Variants in TBX1 observed in about 807,000 individuals in gnomAD.
The protein encoded by TBX1 is T-box transcription factor TBX1.
In TBX1, 16 loss-of-function variants were observed where a neutral mutation model predicts 40.8. That is an observed-to-expected ratio of 0.39 (90% CI 0.27 to 0.60). TBX1 has a LOEUF of 0.60. Ranked by LOEUF, TBX1 falls within the 20% of genes least tolerant of loss-of-function variation. TBX1 has a pLI of 0.51. For missense variants in TBX1, 755 were observed against 728.5 expected (o/e 1.04, Z -0.42); for synonymous variants, 403 against 336.8 (o/e 1.20, Z -2.15).
Position 19,767,280 on chromosome 22 carries a change from T to A in TBX1, c.*413T>A. Reference sequence around the variant, plus strand: ...TGTAGATACATGTAGATACTGTAGATACTGTAGATACCGCCCCGGCGCCGA... The same window carrying A: ...TGTAGATACATGTAGATACTGTAGAAACTGTAGATACCGCCCCGGCGCCGA... On this transcript the variant is annotated 3_prime_UTR_variant, in exon 7 of 7. Transcript: ENST00000649276. The A allele has an allele frequency of 1.0e-6, 1 of 997,452 alleles. No homozygotes were observed. The highest frequency in any genetic ancestry group is 1.2e-6 in the Non-Finnish European group (1 of 838,176). 61.8% of individuals were successfully genotyped at this position (997,452 alleles called of 1,614,324 possible).
intron 8 of TBX1, among the ~76,000 whole-genome samples, chr22:19,774,135 C>T (rs1016871170): frequency 2.6e-5 from 4 of 152,158 alleles, no homozygotes; most frequent in African/African-American, 7.2e-5. Flanking sequence ...CCCTGGAAGC[C>T]GTCTACACTG....
rs1936896527 is a variant in TBX1 at position 19,767,260 on chromosome 22, A to AT, written c.*394dup. The AT allele has an allele frequency of 9.7e-7, 1 of 1,029,638 alleles. No homozygotes were observed. The highest frequency in any genetic ancestry group is 1.7e-5 in the African/African-American group (1 of 58,428). 63.8% of individuals were successfully genotyped at this position (1,029,638 alleles called of 1,614,324 possible). Reference sequence around the variant, plus strand: ...AGAGCCCCGCCTGCAGGCGGTGTAGATACATGTAGATACTGTAGATACTGT... The same window carrying AT: ...AGAGCCCCGCCTGCAGGCGGTGTAGATTACATGTAGATACTGTAGATACTGT... On this transcript the variant is annotated 3_prime_UTR_variant, in exon 7 of 7. Coordinates refer to ENST00000649276, the MANE Select transcript of TBX1 (RefSeq NM_001379200.1).
At chr22:19,764,347 G>T in intron 3 of TBX1, 21 bp downstream of exon 3, 1 of 1,606,540 alleles carries the variant, frequency 6.2e-7, no homozygotes. Flanking sequence ...GCCTCCCCAG[G>T]CTCCGGTGTC....
At chr22:19,768,656 T>G (rs1256061984), downstream of TBX1, among the ~76,000 whole-genome samples, 1 of 152,134 alleles carries the variant, frequency 6.6e-6, no homozygotes, top group Non-Finnish European at 1.5e-5. Context: ...AGGGCCTCCC[T>G]CTCTTGCTGT....
chr22:19,779,540 T>A, exon 9 of TBX1: 1 of 1,516,780 alleles, frequency 6.6e-7, no homozygotes, highest in Non-Finnish European at 8.8e-7. Context: ...GCATGTTTTG[T>A]AATAAATACT....
chr22:19,781,073 C>T (rs1197707709), downstream of TBX1, among the ~76,000 whole-genome samples: 1 of 152,164 alleles, frequency 6.6e-6, no homozygotes, highest in Non-Finnish European at 1.5e-5. Context: ...TGAGCCACTG[C>T]ACCCGGCCCT....
chr22:19,766,605 A>C lies in TBX1; in HGVS notation c.1253A>C (p.Glu418Ala), dbSNP rs745858331. 1.3e-6 allele frequency: 2 copies of C among 1,509,302 alleles called. No individual in the cohort carries two copies. The highest frequency in any genetic ancestry group is 2.8e-5 in the East Asian group (1 of 35,470). 93.5% of individuals were successfully genotyped at this position (1,509,302 alleles called of 1,614,324 possible). ...CGCCTGGAGGCGCCCGGCGCATCGG[A>C]GCCGCTGCACCACCACCCCTACAAA... The part of the protein sequence containing the change: ...ELRLEAPGAS[E>A]PLHHHPYKYP... The change falls in exon 7 of 7, where the codon GAG (glutamate) becomes GCG (alanine). Residue 418 changes from glutamate to alanine, a missense_variant. Around this residue, in one of 3 missense-constraint regions of TBX1, gnomAD observed 412 missense variants for 317.6 expected, o/e 1.30. Transcript: ENST00000649276.
chr22:19,783,134 AC>A, downstream of TBX1: 1 of 727,502 alleles, frequency 1.4e-6, no homozygotes, highest in East Asian at 2.6e-5. Context: ...CCTGGCCATC[AC>A]CCCGTGGAGT....
At chr22:19,780,547 T>C (rs1937130187), downstream of TBX1, among the ~76,000 whole-genome samples, 1 of 152,348 alleles carries the variant, frequency 6.6e-6, no homozygotes, top group Admixed American at 6.5e-5. Flanking sequence ...CTCCCACCTG[T>C]TGGCTGCTGT....
upstream of TBX1, chr22:19,759,815 G>C (rs2145824927): frequency 1.9e-6 from 2 of 1,077,620 alleles, no homozygotes; most frequent in Non-Finnish European, 1.4e-6. Context: ...TTCTGGGGCA[G>C]AGAGGAAGAG....
intron 8 of TBX1, among the ~76,000 whole-genome samples, chr22:19,776,005 C>T (rs1180416327): frequency 6.6e-6 from 1 of 152,146 alleles, no homozygotes; most frequent in East Asian, 1.9e-4. Flanking sequence ...GAGGTGGCCC[C>T]TCCAAGTGCT....
downstream of TBX1, among the ~76,000 whole-genome samples, chr22:19,770,978 G>T (rs1936981190): frequency 6.6e-6 from 1 of 152,206 alleles, no homozygotes; most frequent in Admixed American, 6.5e-5. Flanking sequence ...CTTCAGCTGT[G>T]GTGCTGACCT....
rs535772500 is a variant in TBX1 at position 19,775,622 on chromosome 22, C to T, written c.1010-3598C>T. On this transcript the variant is annotated intron_variant, in intron 8 of 8. Coordinates refer to the TBX1 transcript ENST00000329705. ...GGGTGGAGGTGGGGTATGCTTTTCA[C>T]CTCCTGCAATGCACGCTCGGAACCA... Among the ~76,000 whole-genome samples, 13 of 152,272 alleles carry T rather than the reference C, an allele frequency of 8.5e-5. No homozygotes were observed. The South Asian group carries it at 2.1e-3, about 24-fold the overall frequency.
In TBX1 at chr22:19,761,028, G is replaced by T. The variant is rs1163275804; in HGVS notation, c.185G>T (p.Cys62Phe). ...PPPPPPRYDP[C>F]AAAAPGAPGP... ...CCGCCGCCGCCGCGCTACGACCCGTGCGCCGCCGCCGCCCCCGGCGCCCCG... is the reference window on the plus strand; with the variant it reads ...CCGCCGCCGCCGCGCTACGACCCGTTCGCCGCCGCCGCCCCCGGCGCCCCG... The change falls in exon 1 of 7, where the codon TGC becomes TTC. Residue 62 changes from cysteine to phenylalanine, a missense_variant. Transcript: ENST00000649276. The T allele has an allele frequency of 2.2e-6, 2 of 898,626 alleles. No individual in the cohort carries two copies. The highest frequency in any genetic ancestry group is 1.8e-5 in the African/African-American group (1 of 54,482). The allele number at this position is 898,626 out of a possible 1,614,324, so 55.7% of individuals were successfully genotyped here. A position where few individuals can be genotyped will look rare whatever the true frequency, so the allele number is the denominator to read the frequency against.
downstream of TBX1, among the ~76,000 whole-genome samples, chr22:19,780,334 C>A (rs1169138927): frequency 6.6e-6 from 1 of 152,234 alleles, no homozygotes; most frequent in African/African-American, 2.4e-5. Context: ...AATCTGACTA[C>A]TCTAGGCGCC....
chr22:19,767,332 G>C lies in TBX1; in HGVS notation c.*465G>C. The C allele has an allele frequency of 1.0e-6, 1 of 988,198 alleles. No homozygotes were observed. The highest frequency in any genetic ancestry group is 1.2e-6 in the Non-Finnish European group (1 of 831,746). The allele number at this position is 988,198 out of a possible 1,614,324, so 61.2% of individuals were successfully genotyped here. ...TTGATAAACGGTTTCGCCTCTTTTG[G>C]AAGCCGCCTGCGTGTCCATTTATTT... On this transcript the variant is annotated 3_prime_UTR_variant, in exon 7 of 7. Coordinates refer to ENST00000649276, the MANE Select transcript of TBX1 (RefSeq NM_001379200.1).
At chr22:19,765,218 C>T in intron 4 of TBX1, 105 bp downstream of exon 4, 3 of 1,554,616 alleles carry the variant, frequency 1.9e-6, no homozygotes, top group Non-Finnish European at 2.6e-6. Context: ...GACCTGCAGG[C>T]TGTGGTCCCA....
upstream of TBX1, among the ~76,000 whole-genome samples, chr22:19,760,403 A>C (rs371545801): frequency 2.0e-5 from 3 of 150,214 alleles, no homozygotes; most frequent in East Asian, 5.9e-4. Flanking sequence ...GGGAAGAAAA[A>C]AGATGATCGG....
chr22:19,782,636 C>T (rs1937152723), downstream of TBX1, among the ~76,000 whole-genome samples: 1 of 152,108 alleles, frequency 6.6e-6, no homozygotes, highest in Admixed American at 6.5e-5. Context: ...CTTATCACAC[C>T]CGCAGGGCTG....
Sources: gnomAD v4.1 joint callset for allele counts (sites outside exome capture counted in the v4.1 genomes callset) on GRCh38, gnomAD v4.1.1 for gene constraint, gnomAD v4.1.1 regional missense constraint, MANE v1.5 for transcripts, NCBI Gene and HGNC (gene_info 2026-07-23, HGNC 2026-07-21) for gene names.